The following PHF3 variants were observed in gnomAD, a reference collection of about 807,000 sequenced individuals.
PHF3 encodes PHD finger protein 3.
PHF3 carries 41 observed loss-of-function variants against 178.4 expected under a neutral mutation model. That is an observed-to-expected ratio of 0.23 (90% CI 0.18 to 0.30). The LOEUF is 0.30. PHF3 is among the 10% of genes least tolerant of loss of function. The pLI, the probability that PHF3 is intolerant of heterozygous loss-of-function variation, is 1.00. For missense variants in PHF3, 2,346 were observed against 2,398.1 expected (o/e 0.98, Z 0.45); for synonymous variants, 842 against 800.5 (o/e 1.05, Z -0.88).
intron 2 of PHF3, among the ~76,000 whole-genome samples, chr6:63,678,184 C>CT (rs1766262709): frequency 6.6e-6 from 1 of 150,948 alleles, no homozygotes; most frequent in Admixed American, 6.6e-5. Flanking sequence ...GATCGCACCA[C>CT]TGCACTCCAG....
chr6:63,640,002 C>T (rs1241480475), intron 1 of PHF3, among the ~76,000 whole-genome samples: 1 of 152,176 alleles, frequency 6.6e-6, no homozygotes, highest in Non-Finnish European at 1.5e-5. Context: ...ATCTTCAGAT[C>T]CTTTCCTAGG....
chr6:63,672,454 A>G (rs1193975569), intron 2 of PHF3, among the ~76,000 whole-genome samples: 5 of 152,226 alleles, frequency 3.3e-5, no homozygotes, highest in African/African-American at 7.2e-5. Context: ...AAAATTTGGA[A>G]TGTGTATTTT....
rs770352892 is a variant in PHF3 at position 63,646,594 on chromosome 6, C to T, written c.43C>T (p.His15Tyr). 1.6e-5 allele frequency: 25 copies of T among 1,611,912 alleles called. No homozygotes were observed. The highest frequency in any genetic ancestry group is 2.1e-5 in the Non-Finnish European group (25 of 1,178,350). ...ATTTAATCATTTAATTCCTACTGAACACTTAGATGATGCCCTATTTCTAGG... is the reference window on the plus strand; with the variant it reads ...ATTTAATCATTTAATTCCTACTGAATACTTAGATGATGCCCTATTTCTAGG... ...DTFNHLIPTE[H>Y]LDDALFLGSN... Residue 15 changes from histidine (H) to tyrosine (Y), a missense_variant, in exon 2 of 16, where the codon CAC (histidine) becomes TAC (tyrosine). This residue lies in a region of PHF3 where 843 missense variants were observed against 795.2 expected (regional missense o/e 1.06). Coordinates refer to ENST00000262043, the MANE Select transcript of PHF3 (RefSeq NM_001370348.2).
chr6:63,654,117 G>A (rs1320430538), intron 2 of PHF3, among the ~76,000 whole-genome samples: 3 of 152,010 alleles, frequency 2.0e-5, no homozygotes, highest in Non-Finnish European at 4.4e-5. Flanking sequence ...TTGGTATCAG[G>A]GTACTGTTAG....
In PHF3 at chr6:63,713,016, T is replaced by C; in HGVS notation, c.5428T>C (p.Ser1810Pro). The change falls in exon 16 of 16, where the codon TCT becomes CCT. Residue 1810 changes from serine to proline, a missense_variant. By Grantham distance (74) the Ser-to-Pro change is moderately conservative. Coordinates refer to ENST00000262043, the MANE Select transcript of PHF3 (RefSeq NM_001370348.2). Reference protein sequence around the residue: ...PQQPNLQHLKSSPPGFPFPGP... With the variant: ...PQQPNLQHLKPSPPGFPFPGP... ...GCAGCCCAACCTTCAGCATCTCAAG[T>C]CTAGCCCACCTGGATTTCCATTTCC... The C allele has an allele frequency of 6.2e-7, 1 of 1,614,036 alleles. No individual in the cohort carries two copies. The highest frequency in any genetic ancestry group is 8.5e-7 in the Non-Finnish European group (1 of 1,179,976).
chr6:63,703,992 CTAAAG>C (rs1256784070), intron 11 of PHF3, among the ~76,000 whole-genome samples: 2 of 151,892 alleles, frequency 1.3e-5, no homozygotes, highest in African/African-American at 4.8e-5. Context: ...CTGTCATTTA[CTAAAG>C]TAAAGGAGTA....
chr6:63,701,228 C>T (rs896368044), intron 9 of PHF3, among the ~76,000 whole-genome samples: 7 of 152,146 alleles, frequency 4.6e-5, no homozygotes, highest in Non-Finnish European at 8.8e-5. Flanking sequence ...ATTGATAAAG[C>T]TTAACCTGAA....
Position 63,685,316 on chromosome 6 carries a change from A to G in PHF3, c.1594A>G (p.Thr532Ala), listed in dbSNP as rs1282035197. 1 of 1,614,098 alleles carries G rather than the reference A, an allele frequency of 6.2e-7. No individual in the cohort carries two copies. The highest frequency in any genetic ancestry group is 1.1e-5 in the South Asian group (1 of 91,076). ...TAATGTCAAAAGTGTGAAACGAAAT[A>G]CTGATGTACCAGAATCTCAGCAAAA... ...KVNVKSVKRN[T>A]DVPESQQNFH... The change falls in exon 4 of 16, where the codon ACT (threonine) becomes GCT (alanine). Residue 532 changes from threonine to alanine, a missense_variant. By Grantham distance (58) the Thr-to-Ala change is moderately conservative. Around this residue, in one of 8 missense-constraint regions of PHF3, gnomAD observed 843 missense variants for 795.2 expected, o/e 1.06. Coordinates refer to ENST00000262043, the MANE Select transcript of PHF3 (RefSeq NM_001370348.2).
At chr6:63,665,496 T>TG (rs1249144790) in intron 2 of PHF3, among the ~76,000 whole-genome samples, 1 of 146,254 alleles carries the variant, frequency 6.8e-6, no homozygotes, top group Middle Eastern at 3.2e-3. Flanking sequence ...GTTTTTTTTT[T>TG]TTTTTTTTGA....
At chr6:63,691,122 T>C (rs966925385) in intron 4 of PHF3, among the ~76,000 whole-genome samples, 2 of 152,176 alleles carry the variant, frequency 1.3e-5, no homozygotes, top group East Asian at 1.9e-4. Flanking sequence ...AAAGATTCTT[T>C]AGCTGAATCA....
At position 63,720,796 on chromosome 6, in the gene PHF3, G is replaced by A; in HGVS notation, c.*7088G>A. On this transcript the variant is annotated 3_prime_UTR_variant, in exon 16 of 16. Transcript: ENST00000262043. ...AGATAACAAATGCCATCATAGTTTA[G>A]AGCCACAAAGTTTTTATGTGGATCA... is the stretch of plus-strand genomic sequence containing the variant. The A allele has an allele frequency of 6.4e-7, 1 of 1,550,918 alleles. No individual in the cohort carries two copies. Among genetic ancestry groups the A allele is most frequent in the South Asian group, 1.2e-5 (1 of 84,028 alleles).
chr6:63,682,916 A>G (rs1039898253), intron 3 of PHF3, among the ~76,000 whole-genome samples: 3 of 152,090 alleles, frequency 2.0e-5, no homozygotes, highest in Non-Finnish European at 4.4e-5. Flanking sequence ...TTCAAGGATG[A>G]ATAGAGCTGT....
chr6:63,666,265 G>A (rs904461571), intron 2 of PHF3, among the ~76,000 whole-genome samples: 2 of 151,990 alleles, frequency 1.3e-5, no homozygotes, highest in African/African-American at 4.8e-5. Context: ...GACAAACTTT[G>A]ACTTTTAGTC....
rs550231823 is a variant in PHF3, at chr6:63,717,748, ATG to A, written c.*4046_*4047del. ...GAAATAATTCAGTGTGTGCATGTCC[ATG>A]TGTGTATATATACATATATGTTAGC... On this transcript the variant is annotated 3_prime_UTR_variant, in exon 16 of 16. Transcript: ENST00000262043. Among the ~76,000 whole-genome samples, 22 of 152,124 alleles carry A rather than the reference ATG, an allele frequency of 1.4e-4. 1 individual carries two copies. In the South Asian group the frequency reaches 3.5e-3, roughly 24 times the overall value.
At chr6:63,679,712 G>A (rs1582062070) in intron 2 of PHF3, 2 of 423,096 alleles carry the variant, frequency 4.7e-6, no homozygotes, top group South Asian at 3.6e-5. Flanking sequence ...TTTCACAAGG[G>A]GTCAGCAAGT....
In PHF3 at chr6:63,722,740, A is replaced by T. The variant is rs537530204; in HGVS notation, c.*9032A>T. 1.2e-4 allele frequency among the ~76,000 whole-genome samples: 19 copies of T among 152,238 alleles called. No individual in the cohort carries two copies. The highest frequency in any genetic ancestry group is 4.3e-4 in the African/African-American group (18 of 41,540). ...TGCTACACTACTTCTTCCTCCCTCC[A>T]GAGTGCCTATTTCCACACCTCCCTC... On this transcript the variant is annotated 3_prime_UTR_variant, in exon 16 of 16. Coordinates refer to ENST00000262043, the MANE Select transcript of PHF3 (RefSeq NM_001370348.2).
Position 63,684,498 on chromosome 6 carries a change from C to T in PHF3, c.776C>T (p.Ser259Leu). ...CATGAATTAAATTGTTCACTTCTTT[C>T]AGAGACTTGTGTTACTATTGGAGAA... Reference protein sequence around the residue: ...PSHELNCSLLSETCVTIGEKK... With the variant: ...PSHELNCSLLLETCVTIGEKK... The change falls in exon 4 of 16, where the codon TCA becomes TTA. Residue 259 changes from serine (S) to leucine (L), a missense_variant. Transcript: ENST00000262043. 1.2e-6 allele frequency: 2 copies of T among 1,613,630 alleles called. No homozygotes were observed. Among genetic ancestry groups the T allele is most frequent in the Admixed American group, 1.7e-5 (1 of 59,980 alleles).
At chr6:63,686,801 A>G (rs1329083631) in intron 4 of PHF3, among the ~76,000 whole-genome samples, 1 of 152,214 alleles carries the variant, frequency 6.6e-6, no homozygotes, top group Non-Finnish European at 1.5e-5. Flanking sequence ...AAAGTGTGCT[A>G]GAGTGATTTT....
chr6:63,662,006 G>A (rs537003091), intron 2 of PHF3, among the ~76,000 whole-genome samples: 22 of 152,270 alleles, frequency 1.4e-4, no homozygotes, highest in Non-Finnish European at 2.9e-4. Context: ...TACCGCTTGA[G>A]TTCCACCTCC....
Sources: allele counts gnomAD v4.1 joint callset (sites outside exome capture counted in the v4.1 genomes callset), GRCh38; gene constraint gnomAD v4.1.1; regional missense constraint gnomAD v4.1.1; transcripts MANE v1.5; gene names NCBI Gene and HGNC (gene_info 2026-07-23, HGNC 2026-07-21).